Variants in BCKDHA observed in about 807,000 individuals in gnomAD.
The protein encoded by BCKDHA is branched chain keto acid dehydrogenase E1 subunit alpha.
A neutral mutation model predicts 52.2 loss-of-function variants in BCKDHA; 43 were observed. The ratio of observed to expected loss-of-function variants is 0.82; its 90% CI spans 0.64 to 1.06. BCKDHA has a LOEUF of 1.06. Ranked by LOEUF, BCKDHA falls within the 50% of genes least tolerant of loss-of-function variation. BCKDHA has a pLI of 0.00. For synonymous variants in BCKDHA, 234 were observed against 247.9 expected (o/e 0.94, Z 0.53); for missense variants, 527 against 621.3 (o/e 0.85, Z 1.61).
chr19:41,402,372 C>T (rs1051968323), intron 1 of BCKDHA, among the ~76,000 whole-genome samples: 3 of 152,152 alleles, frequency 2.0e-5, no homozygotes, highest in Non-Finnish European at 4.4e-5. Context: ...AGAAACCTGG[C>T]CTCCTTTTTC....
At chr19:41,411,707 T>C (rs897314455) in intron 3 of BCKDHA, among the ~76,000 whole-genome samples, 1 of 152,160 alleles carries the variant, frequency 6.6e-6, no homozygotes, top group African/African-American at 2.4e-5. Flanking sequence ...AGTTGCTGCC[T>C]GCGGGAGATT....
intron 3 of BCKDHA, 53 bp downstream of exon 3, chr19:41,411,062 A>G (rs2039248593): frequency 3.2e-6 from 5 of 1,585,248 alleles, no homozygotes; most frequent in East Asian, 4.5e-5. Context: ...GAGGTCCCCT[A>G]CCTGTGTTTG....
chr19:41,401,917 G>T (rs950215919), intron 1 of BCKDHA, among the ~76,000 whole-genome samples: 7 of 152,264 alleles, frequency 4.6e-5, no homozygotes, highest in South Asian at 2.1e-4. Context: ...CTCAGTGTAT[G>T]TATTAGTCCG....
chr19:41,405,923 C>G (rs867022490), intron 1 of BCKDHA, among the ~76,000 whole-genome samples: 2 of 152,166 alleles, frequency 1.3e-5, no homozygotes, highest in African/African-American at 4.8e-5. Context: ...TCTGTGCAGC[C>G]TCTGCCATTG....
chr19:41,399,362 C>T (rs2039111928), intron 1 of BCKDHA: 3 of 104,944 alleles, frequency 2.9e-5, no homozygotes, highest in East Asian at 3.0e-4. Context: ...TTGAGCAGTT[C>T]ATATCCTCCA....
At chr19:41,410,580 A>T (rs2039240116) in intron 1 of BCKDHA, 57 bp from the exon 2 acceptor site, 1 of 1,603,006 alleles carries the variant, frequency 6.2e-7, no homozygotes, top group Non-Finnish European at 8.5e-7. Flanking sequence ...GGGCTGAGCC[A>T]GCGGAAACCT....
chr19:41,409,371 G>A (rs1328305394), intron 1 of BCKDHA, among the ~76,000 whole-genome samples: 1 of 152,100 alleles, frequency 6.6e-6, no homozygotes. Flanking sequence ...CACCATCATT[G>A]TTACTTGTTT....
chr19:41,414,246 C>A, intron 4 of BCKDHA, 89 bp downstream of exon 4: 1 of 1,289,848 alleles, frequency 7.8e-7, no homozygotes, highest in Non-Finnish European at 1.1e-6. Context: ...AGCATAGTGC[C>A]AGGAAGGTCT....
intron 1 of BCKDHA, chr19:41,399,808 CAG>C (rs771880444): frequency 3.4e-5 from 5 of 148,928 alleles, no homozygotes; most frequent in Non-Finnish European, 5.9e-5. Flanking sequence ...TTTTTTGAGA[CAG>C]AGTTTCACTC....
Position 41,423,178 on chromosome 19 carries a change from G to C in BCKDHA, c.1167+9G>C. On this transcript the variant is annotated intron_variant, in intron 8 of 8. Transcript: ENST00000269980. ...AGCAGTCCCGCAGGAAGGTGAGGGT[G>C]CCCCGCCCGGGAGGGTGTGCTGGGG... The C allele has an allele frequency of 6.4e-7, 1 of 1,551,260 alleles. No individual in the cohort carries two copies. The highest frequency in any genetic ancestry group is 8.7e-7 in the Non-Finnish European group (1 of 1,147,648).
chr19:41,424,193 A>G (rs1183271985), intron 8 of BCKDHA, among the ~76,000 whole-genome samples: 1 of 152,104 alleles, frequency 6.6e-6, no homozygotes, highest in African/African-American at 2.4e-5. Context: ...CAGTTTCCTC[A>G]TTGCTTAGCT....
Position 41,422,763 on chromosome 19 carries a change from A to G in BCKDHA, c.988A>G (p.Thr330Ala). 1 of 1,612,970 alleles carries G rather than the reference A, an allele frequency of 6.2e-7. No homozygotes were observed. Among genetic ancestry groups the G allele is most frequent in the Non-Finnish European group, 8.5e-7 (1 of 1,179,930 alleles). Reference sequence around the variant, plus strand: ...CCAGCCCTTCCTCATCGAGGCCATGACCTACAGGTGCCTGCCGCTCCCCCC... The same window carrying G: ...CCAGCCCTTCCTCATCGAGGCCATGGCCTACAGGTGCCTGCCGCTCCCCCC... Reference protein sequence around the residue: ...ENQPFLIEAMTYRIGHHSTSD... With the variant: ...ENQPFLIEAMAYRIGHHSTSD... The change falls in exon 7 of 9, where the codon ACC (threonine) becomes GCC (alanine). Residue 330 changes from threonine (T) to alanine (A), a missense_variant. Thr to Ala is a moderately conservative substitution (Grantham distance 58). Coordinates refer to ENST00000269980, the MANE Select transcript of BCKDHA (RefSeq NM_000709.4).
At chr19:41,398,807 T>C (rs1599945942) in intron 1 of BCKDHA, among the ~76,000 whole-genome samples, 1 of 138,784 alleles carries the variant, frequency 7.2e-6, no homozygotes, top group South Asian at 2.3e-4. Context: ...ATGTCCTTGC[T>C]CTGCCGCTTT....
chr19:41,398,354 AAGAAG>A (rs1317624007), intron 1 of BCKDHA, among the ~76,000 whole-genome samples: 2 of 152,182 alleles, frequency 1.3e-5, no homozygotes, highest in Non-Finnish European at 1.5e-5. Context: ...AAGAAGAAGA[AAGAAG>A]AGAACAGGTC....
At chr19:41,409,638 T>TATC (rs1303175751) in intron 1 of BCKDHA, among the ~76,000 whole-genome samples, 6 of 152,000 alleles carry the variant, frequency 3.9e-5, no homozygotes, top group Non-Finnish European at 8.8e-5. Context: ...CTAAGATTGT[T>TATC]TTGAGCATTT....
chr19:41,398,835 GC>G (rs3214613), intron 1 of BCKDHA, among the ~76,000 whole-genome samples: 99,280 of 151,976 alleles, frequency 0.65, 33,514 homozygotes, highest in African/African-American at 0.82. Flanking sequence ...TGTAGCCTTG[GC>G]CAACGGACTG....
Position 41,424,759 on chromosome 19 carries a change from C to A in BCKDHA, c.*151C>A. 1.3e-6 allele frequency: 1 copy of A among 790,776 alleles called. No individual in the cohort carries two copies. Among genetic ancestry groups the A allele is most frequent in the African/African-American group, 1.7e-5 (1 of 57,260 alleles). The allele number at this position is 790,776 out of a possible 1,614,324, so 49.0% of individuals were successfully genotyped here. On this transcript the variant is annotated 3_prime_UTR_variant, in exon 9 of 9. Coordinates refer to ENST00000269980, the MANE Select transcript of BCKDHA (RefSeq NM_000709.4). ...GGCCAGGGCGGCTGCCACTCTTCAC[C>A]CCTGCTCCTCCCGGCTGTTACATTG...
At chr19:41,410,518 C>A in intron 1 of BCKDHA, 119 bp from the exon 2 acceptor site, 1 of 1,162,388 alleles carries the variant, frequency 8.6e-7, no homozygotes, top group Non-Finnish European at 1.2e-6. Flanking sequence ...AGTCAGGCCC[C>A]AGAGTTCACT....
intron 8 of BCKDHA, among the ~76,000 whole-genome samples, chr19:41,424,086 C>T (rs559314470): frequency 2.1e-4 from 32 of 152,234 alleles, no homozygotes; most frequent in African/African-American, 7.0e-4. Flanking sequence ...CTCCCTGGCC[C>T]GGTCATTAGG....
Sources: gnomAD v4.1 joint callset for allele counts (sites outside exome capture counted in the v4.1 genomes callset) on GRCh38, gnomAD v4.1.1 for gene constraint, MANE v1.5 for transcripts, NCBI Gene and HGNC (gene_info 2026-07-23, HGNC 2026-07-21) for gene names.